Variants in PPP1R9A observed in about 807,000 individuals in gnomAD.
PPP1R9A encodes protein phosphatase 1 regulatory subunit 9A.
Under a neutral mutation model 141.9 loss-of-function variants are expected in PPP1R9A, and 59 were observed. The observed-to-expected ratio is 0.42, with a 90% CI of 0.34 to 0.52. PPP1R9A has a LOEUF of 0.52. PPP1R9A is among the 20% of genes least tolerant of loss of function. The pLI is 0.10. For synonymous variants in PPP1R9A, 500 were observed against 569.7 expected, an observed-to-expected ratio of 0.88 and a Z score of 1.74; for missense variants, 1,444 against 1,611.9, an observed-to-expected ratio of 0.90 and a Z score of 1.78.
At chr7:95,133,183 G>T (rs772100021) in intron 4 of PPP1R9A, among the ~76,000 whole-genome samples, 2 of 152,100 alleles carry the variant, frequency 1.3e-5, no homozygotes, top group Non-Finnish European at 2.9e-5. Flanking sequence ...ATGCTGATTG[G>T]TCCATGGGCC....
chr7:94,923,306 T>C (rs1793069626), intron 2 of PPP1R9A, among the ~76,000 whole-genome samples: 1 of 152,210 alleles, frequency 6.6e-6, no homozygotes, highest in Admixed American at 6.5e-5. Flanking sequence ...AAGTGAAACA[T>C]ATTTTAATGA....
intron 12 of PPP1R9A, 39 bp downstream of exon 12, chr7:95,252,169 T>C (rs768768731): frequency 6.6e-7 from 1 of 1,505,476 alleles, no homozygotes; most frequent in Non-Finnish European, 8.8e-7. Flanking sequence ...TTTTGATGAC[T>C]GTGTAATTTG....
At chr7:95,080,402 A>G (rs2152277202) in intron 2 of PPP1R9A, among the ~76,000 whole-genome samples, 1 of 152,332 alleles carries the variant, frequency 6.6e-6, no homozygotes, top group South Asian at 2.1e-4. Flanking sequence ...GGACCTCTTC[A>G]AGGAGAACTA....
intron 4 of PPP1R9A, among the ~76,000 whole-genome samples, chr7:95,121,459 G>GTCTA (rs35336740): frequency 0.066 from 3,315 of 50,284 alleles, 78 homozygotes; most frequent in South Asian, 0.093. Flanking sequence ...CTGTCTGTCT[G>GTCTA]TCTATCTATC....
intron 7 of PPP1R9A, among the ~76,000 whole-genome samples, chr7:95,208,701 G>A (rs1791388775): frequency 6.6e-6 from 1 of 151,386 alleles, no homozygotes; most frequent in South Asian, 2.1e-4. Context: ...TCCATCCTGG[G>A]CCACAGAGCG....
chr7:95,076,976 A>G lies in PPP1R9A; in HGVS notation c.1396-34283A>G, dbSNP rs1006140888. Among the ~76,000 whole-genome samples, 4 of 151,832 alleles carry G rather than the reference A, an allele frequency of 2.6e-5. 1 individual carries two copies. The highest frequency in any genetic ancestry group is 4.4e-5 in the Non-Finnish European group (3 of 67,922). On this transcript the variant is annotated intron_variant, in intron 2 of 19. Transcript: ENST00000433360. ...TTTATGCCTTCATTCCAATGTTTAT[A>G]CCTTTTATTTTTTTTCTTGTCTGAT...
At chr7:94,989,262 T>C (rs1162624302) in intron 2 of PPP1R9A, among the ~76,000 whole-genome samples, 1 of 152,072 alleles carries the variant, frequency 6.6e-6, no homozygotes, top group Non-Finnish European at 1.5e-5. Flanking sequence ...TATCTAAGTA[T>C]TGAACACATT....
chr7:95,281,318 G>A (rs1297349600), intron 16 of PPP1R9A, among the ~76,000 whole-genome samples: 9 of 152,248 alleles, frequency 5.9e-5, no homozygotes, highest in East Asian at 1.9e-4. Flanking sequence ...CTGTAGAGAC[G>A]TAGGTGTCTT....
At chr7:95,148,783 G>A (rs1319119798) in intron 4 of PPP1R9A, among the ~76,000 whole-genome samples, 1 of 151,446 alleles carries the variant, frequency 6.6e-6, no homozygotes, top group Admixed American at 6.6e-5. Context: ...ACTTAAGGAA[G>A]AAAGTGTACC....
chr7:94,918,194 T>C (rs1365841195), intron 2 of PPP1R9A, among the ~76,000 whole-genome samples: 1 of 152,186 alleles, frequency 6.6e-6, no homozygotes, highest in Non-Finnish European at 1.5e-5. Context: ...GTTTTTCTTC[T>C]GGTCACTTTT....
At chr7:95,073,568 C>A (rs1814318440) in intron 2 of PPP1R9A, among the ~76,000 whole-genome samples, 1 of 148,790 alleles carries the variant, frequency 6.7e-6, no homozygotes, top group African/African-American at 2.5e-5. Flanking sequence ...AATTTCTACA[C>A]AATTAGTTTC....
intron 2 of PPP1R9A, among the ~76,000 whole-genome samples, chr7:95,031,811 T>C (rs1191872702): frequency 2.0e-5 from 3 of 150,954 alleles, no homozygotes; most frequent in Non-Finnish European, 4.4e-5. Context: ...AAATAGTATA[T>C]AGTTTTTGAA....
intron 5 of PPP1R9A, among the ~76,000 whole-genome samples, chr7:95,174,130 T>C (rs1400919464): frequency 6.6e-6 from 1 of 152,164 alleles, no homozygotes; most frequent in African/African-American, 2.4e-5. Flanking sequence ...CTTTAACTGA[T>C]AAATGGATAT....
chr7:94,956,472 C>G (rs1797083674), intron 2 of PPP1R9A, among the ~76,000 whole-genome samples: 2 of 152,020 alleles, frequency 1.3e-5, no homozygotes, highest in South Asian at 2.1e-4. Context: ...GAAATACTAC[C>G]TCATTGATTT....
intron 4 of PPP1R9A, among the ~76,000 whole-genome samples, chr7:95,136,873 A>G (rs1299317149): frequency 6.6e-6 from 1 of 152,180 alleles, no homozygotes; most frequent in Non-Finnish European, 1.5e-5. Flanking sequence ...ATACATCAAG[A>G]AATACCACAC....
chr7:95,152,838 C>CTTTTTTTTT (rs5885900), intron 4 of PPP1R9A, among the ~76,000 whole-genome samples: 3 of 125,104 alleles, frequency 2.4e-5, no homozygotes, highest in Non-Finnish European at 1.6e-5. Context: ...CAGCCACACC[C>CTTTTTTTTT]TTTTTTTTTT....
rs1238152924 is a variant in PPP1R9A at position 95,273,987 on chromosome 7, G to T, written c.3212+1G>T. 1.3e-6 allele frequency: 2 copies of T among 1,503,874 alleles called. No individual in the cohort carries two copies. The highest frequency in any genetic ancestry group is 1.7e-4 in the Middle Eastern group (1 of 5,886). The allele number at this position is 1,503,874 out of a possible 1,614,324, so 93.2% of individuals were successfully genotyped here. On this transcript the variant is annotated splice_donor_variant, in intron 15 of 19. Coordinates refer to ENST00000433360, the MANE Select transcript of PPP1R9A (RefSeq NM_001166160.2). LOFTEE classifies it high-confidence loss of function. ...TTAAGCGGAAGTTTGTGGATCTGGG[G>T]TAAGCACTTCACGATGTAAAAAGAA...
At chr7:95,248,896 G>T (rs957843111) in intron 9 of PPP1R9A, among the ~76,000 whole-genome samples, 3 of 152,070 alleles carry the variant, frequency 2.0e-5, no homozygotes, top group Non-Finnish European at 4.4e-5. Context: ...CAAAAACATA[G>T]ATGTGTGTGT....
chr7:95,172,424 A>C (rs1832257398), intron 5 of PPP1R9A, among the ~76,000 whole-genome samples: 1 of 151,800 alleles, frequency 6.6e-6, no homozygotes, highest in Non-Finnish European at 1.5e-5. Flanking sequence ...ATGTTATAGA[A>C]GATGAAGTTG....
Sources: allele counts gnomAD v4.1 joint callset (sites outside exome capture counted in the v4.1 genomes callset), GRCh38; gene constraint gnomAD v4.1.1; transcripts MANE v1.5; gene names NCBI Gene and HGNC (gene_info 2026-07-23, HGNC 2026-07-21).